STK33: variants seen among roughly 807,000 people sequenced by gnomAD.
STK33 encodes the protein serine/threonine kinase 33, also known as serine/threonine-protein kinase 33.
A neutral mutation model predicts 58.0 loss-of-function variants in STK33; 52 were observed. The observed-to-expected ratio is 0.90, with a 90% CI of 0.72 to 1.13. The LOEUF (loss-of-function observed/expected upper bound fraction) is 1.13, where lower values mean the gene tolerates loss of function less well. Ranked by LOEUF, STK33 falls within the 50% of genes most tolerant of loss-of-function variation. The probability of loss-of-function intolerance (pLI) is 0.00; values close to 1 mark genes in which losing one functional copy is unlikely to be tolerated. For missense variants in STK33, 630 were observed against 604.2 expected (o/e 1.04, Z -0.45); for synonymous variants, 215 against 200.1 (o/e 1.07, Z -0.63).
intron 1 of STK33, among the ~76,000 whole-genome samples, chr11:8,495,661 T>C (rs1005106381): frequency 6.6e-6 from 1 of 152,136 alleles, no homozygotes; most frequent in Admixed American, 6.5e-5. Flanking sequence ...ATATTTATTG[T>C]GGCACTATTC....
At chr11:8,412,174 GT>G in intron 15 of STK33, among the ~76,000 whole-genome samples, 1 of 152,278 alleles carries the variant, frequency 6.6e-6, no homozygotes, top group East Asian at 1.9e-4. Flanking sequence ...ATGTGTATGT[GT>G]GTGCATAAGT....
intron 1 of STK33, among the ~76,000 whole-genome samples, chr11:8,568,478 A>C (rs1005092289): frequency 1.2e-4 from 19 of 152,186 alleles, no homozygotes; most frequent in African/African-American, 4.6e-4. Flanking sequence ...AACTTCTAGA[A>C]AGCATCAGAC....
chr11:8,514,539 T>C (rs1952605535), intron 1 of STK33, among the ~76,000 whole-genome samples: 1 of 152,150 alleles, frequency 6.6e-6, no homozygotes, highest in South Asian at 2.1e-4. Flanking sequence ...GGATAAGAAA[T>C]ACAGTCTAAA....
chr11:8,559,919 T>C (rs1049689922), intron 1 of STK33, among the ~76,000 whole-genome samples: 1 of 152,188 alleles, frequency 6.6e-6, no homozygotes, highest in African/African-American at 2.4e-5. Context: ...CTTACCCTTT[T>C]TCTAAATATT....
chr11:8,593,202 T>G (rs951079662), intron 1 of STK33, among the ~76,000 whole-genome samples: 2 of 152,212 alleles, frequency 1.3e-5, no homozygotes, highest in South Asian at 2.1e-4. Context: ...TATCCATCAC[T>G]GTCTAAAGGC....
In STK33 at chr11:8,508,415, C is replaced by CCCA. The variant is rs1952040688; in HGVS notation, c.-465-27804_-465-27802dup. Among the ~76,000 whole-genome samples, 3 of 151,622 alleles carry CCCA rather than the reference C, an allele frequency of 2.0e-5. No homozygotes were observed. In the South Asian group the frequency reaches 6.2e-4, roughly 32 times the overall value. ...TCCCCAGTAGCTAGAACTACAGGTGCCCACCACCACCACAGCCAGCGAATT... is the reference window on the plus strand; with the variant it reads ...TCCCCAGTAGCTAGAACTACAGGTGCCCACCACCACCACCACAGCCAGCGAATT... On this transcript the variant is annotated intron_variant, in intron 1 of 15. Coordinates refer to ENST00000687296, the MANE Select transcript of STK33 (RefSeq NM_001352389.2).
Position 8,395,035 on chromosome 11 carries a change from C to T in STK33, c.1345-2325G>A, listed in dbSNP as rs540299662. ...ATTTCAGAGAGATTTTATGCATCTT[C>T]AAGCAAATATTAGGTGGAACCAAAT... On this transcript the variant is annotated intron_variant, in intron 15 of 15. Transcript: ENST00000687296. 1.1e-3 allele frequency among the ~76,000 whole-genome samples: 169 copies of T among 152,302 alleles called. 1 individual carries two copies. The highest frequency in any genetic ancestry group is 2.0e-3 in the Non-Finnish European group (136 of 68,016).
At chr11:8,342,211 GGGTCA>G in the STK33 span, among the ~76,000 whole-genome samples, 1 of 152,174 alleles carries the variant, frequency 6.6e-6, no homozygotes. Context: ...AAAACTCTGG[GGGTCA>G]GCAGAAAAGA....
intron 14 of STK33, among the ~76,000 whole-genome samples, chr11:8,428,130 T>C (rs79190306): frequency 0.076 from 11,613 of 152,198 alleles, 560 homozygotes; most frequent in East Asian, 0.27. Context: ...GAGGAGGAGG[T>C]ACTCCTAAAG....
intron 1 of STK33, among the ~76,000 whole-genome samples, chr11:8,518,897 C>T (rs1042008595): frequency 1.3e-5 from 2 of 152,154 alleles, no homozygotes; most frequent in Non-Finnish European, 2.9e-5. Context: ...TAATGGGAGA[C>T]TTTAACACCC....
At chr11:8,522,008 A>T (rs1270052327) in intron 1 of STK33, among the ~76,000 whole-genome samples, 4 of 152,198 alleles carry the variant, frequency 2.6e-5, no homozygotes, top group Non-Finnish European at 5.9e-5. Context: ...GAGAAAAAAA[A>T]CACTTTTACA....
intron 1 of STK33, among the ~76,000 whole-genome samples, chr11:8,561,244 T>A (rs373606121): frequency 2.0e-5 from 3 of 152,180 alleles, no homozygotes; most frequent in African/African-American, 7.2e-5. Flanking sequence ...GGTCCTTGAA[T>A]GTTTGAGAAT....
At chr11:8,569,038 C>T (rs528618508) in intron 1 of STK33, among the ~76,000 whole-genome samples, 2 of 152,306 alleles carry the variant, frequency 1.3e-5, no homozygotes, top group Admixed American at 1.3e-4. Flanking sequence ...GGAATATTAT[C>T]TGGAGAAGGT....
chr11:8,535,348 G>A (rs1954912758), intron 1 of STK33, among the ~76,000 whole-genome samples: 3 of 151,850 alleles, frequency 2.0e-5, no homozygotes, highest in African/African-American at 7.3e-5. Flanking sequence ...CATTCAACAG[G>A]GGACTAATAT....
At chr11:8,584,223 T>C (rs1318207313) in intron 1 of STK33, among the ~76,000 whole-genome samples, 5 of 151,852 alleles carry the variant, frequency 3.3e-5, no homozygotes, top group East Asian at 1.9e-4. Context: ...TACTTGCAAA[T>C]AGCTATCATA....
chr11:8,530,739 G>A (rs993585123), intron 1 of STK33, among the ~76,000 whole-genome samples: 1 of 152,036 alleles, frequency 6.6e-6, no homozygotes, highest in African/African-American at 2.4e-5. Flanking sequence ...GCCCAGGCTG[G>A]AGGGCAGTGG....
At chr11:8,374,610 G>A in the STK33 span, among the ~76,000 whole-genome samples, 4 of 152,138 alleles carry the variant, frequency 2.6e-5, no homozygotes, top group African/African-American at 9.7e-5. Flanking sequence ...ATTGGCTCCA[G>A]GCCCCAAACT....
At chr11:8,561,701 T>G (rs1352118828) in intron 1 of STK33, among the ~76,000 whole-genome samples, 1 of 152,210 alleles carries the variant, frequency 6.6e-6, no homozygotes, top group Non-Finnish European at 1.5e-5. Context: ...CTACATATCA[T>G]ACAGAATTCC....
Position 8,413,485 on chromosome 11 carries a change from T to C in STK33, c.1344+10A>G. ...ACACTTGGGAGAAATGCAGCAATGA[T>C]TCTTCCTACCTGTTTTTCCTCCTCT... is the stretch of plus-strand genomic sequence containing the variant. On this transcript the variant is annotated intron_variant, in intron 15 of 15. Coordinates refer to ENST00000687296, the MANE Select transcript of STK33 (RefSeq NM_001352389.2). 1 of 1,613,624 alleles carries C rather than the reference T, an allele frequency of 6.2e-7. No individual in the cohort carries two copies. Among genetic ancestry groups the C allele is most frequent in the Non-Finnish European group, 8.5e-7 (1 of 1,179,630 alleles).
Sources: allele counts gnomAD v4.1 joint callset (sites outside exome capture counted in the v4.1 genomes callset), GRCh38; gene constraint gnomAD v4.1.1; transcripts MANE v1.5; gene names NCBI Gene and HGNC (gene_info 2026-07-23, HGNC 2026-07-21).